Variants in BRSK2 observed in about 807,000 individuals in gnomAD.
BRSK2 encodes serine/threonine-protein kinase BRSK2.
Under a neutral mutation model 83.3 loss-of-function variants are expected in BRSK2, and 19 were observed. The ratio of observed to expected loss-of-function variants is 0.23; its 90% CI spans 0.16 to 0.33. The LOEUF is 0.33. Ranked by LOEUF, BRSK2 falls within the 10% of genes least tolerant of loss-of-function variation. The pLI is 1.00. For missense variants in BRSK2, 798 were observed against 1,042.3 expected (o/e 0.77, Z 3.23); for synonymous variants, 519 against 435.4 (o/e 1.19, Z -2.39).
At chr11:1,429,225 T>A (rs1035652353) in intron 1 of BRSK2, among the ~76,000 whole-genome samples, 1 of 147,986 alleles carries the variant, frequency 6.8e-6, no homozygotes, top group African/African-American at 2.5e-5. Context: ...TGTGTGGGCG[T>A]GTGCCCATGG....
intron 2 of BRSK2, among the ~76,000 whole-genome samples, chr11:1,437,243 C>T (rs1190537571): frequency 6.6e-6 from 1 of 152,174 alleles, no homozygotes; most frequent in Non-Finnish European, 1.5e-5. Context: ...CCTGCAGGCG[C>T]TGTGCACAGA....
chr11:1,398,598 C>T (rs530401780), intron 1 of BRSK2, among the ~76,000 whole-genome samples: 12 of 152,270 alleles, frequency 7.9e-5, no homozygotes, highest in Admixed American at 3.3e-4. Flanking sequence ...TAACTTTCTG[C>T]AGAGCGCAGG....
At chr11:1,420,033 A>G (rs975177522) in intron 1 of BRSK2, among the ~76,000 whole-genome samples, 4 of 152,232 alleles carry the variant, frequency 2.6e-5, no homozygotes, top group African/African-American at 9.6e-5. Context: ...TCTCCAAGGA[A>G]GCCTGGTTGA....
chr11:1,460,603 C>G lies in BRSK2; in HGVS notation c.2091C>G (p.Ala697=). ...QAPSTPAKRS[A]HGPLGDSAAA... Reference sequence around the variant, plus strand: ...CCAGCACGCCCGCCAAGCGGAGTGCCCACGGCCCACTCGGTGACTCCGCGG... The same window carrying G: ...CCAGCACGCCCGCCAAGCGGAGTGCGCACGGCCCACTCGGTGACTCCGCGG... The change falls in exon 20 of 20, where the codon GCC becomes GCG. Residue 697 remains alanine, a synonymous_variant. Transcript: ENST00000528841. The G allele has an allele frequency of 6.5e-7, 1 of 1,532,544 alleles. No individual in the cohort carries two copies. The highest frequency in any genetic ancestry group is 1.4e-5 in the African/African-American group (1 of 72,932). The allele number at this position is 1,532,544 out of a possible 1,614,324, so 94.9% of individuals were successfully genotyped here. A position where few individuals can be genotyped will look rare whatever the true frequency, so the allele number is the denominator to read the frequency against.
rs367983043 is a variant in BRSK2, at chr11:1,401,717, C to T, written c.91+11342C>T. On this transcript the variant is annotated intron_variant, in intron 1 of 19. Transcript: ENST00000528841. ...TGTGGGGACACAGCAGGGAGTTTGCCGACTTTGAGGAGGAGGAAAGGACCT... is the reference window on the plus strand; with the variant it reads ...TGTGGGGACACAGCAGGGAGTTTGCTGACTTTGAGGAGGAGGAAAGGACCT... 4.6e-5 allele frequency among the ~76,000 whole-genome samples: 7 copies of T among 152,316 alleles called. No homozygotes were observed. In the East Asian group the frequency reaches 9.7e-4, roughly 21 times the overall value.
At chr11:1,416,988 A>G (rs962175026) in intron 1 of BRSK2, among the ~76,000 whole-genome samples, 1 of 152,084 alleles carries the variant, frequency 6.6e-6, no homozygotes, top group Admixed American at 6.6e-5. Context: ...GTGAAACCCC[A>G]TCTCTACTAA....
intron 6 of BRSK2, 50 bp from the exon 7 acceptor site, chr11:1,443,285 C>G: frequency 6.4e-7 from 1 of 1,557,422 alleles, no homozygotes; most frequent in East Asian, 2.4e-5. Context: ...CCCTCCAAGG[C>G]CCCCGCCCTG....
At chr11:1,445,228 C>A in intron 9 of BRSK2, 66 bp from the exon 10 acceptor site, 1 of 1,541,120 alleles carries the variant, frequency 6.5e-7, no homozygotes, top group Non-Finnish European at 8.7e-7. Context: ...GGGCGGGCGT[C>A]CCACCCTCGC....
At chr11:1,436,251 C>CT in intron 2 of BRSK2, 117 bp downstream of exon 2, 3 of 680,768 alleles carry the variant, frequency 4.4e-6, no homozygotes, top group South Asian at 4.7e-5. Flanking sequence ...GGGGGGCGGG[C>CT]CCTGCAGGCT....
Position 1,460,753 on chromosome 11 carries a change from C to A in BRSK2, c.*30C>A. 1 of 1,393,398 alleles carries A rather than the reference C, an allele frequency of 7.2e-7. No individual in the cohort carries two copies. The highest frequency in any genetic ancestry group is 9.3e-7 in the Non-Finnish European group (1 of 1,070,642). The allele number at this position is 1,393,398 out of a possible 1,614,324, so 86.3% of individuals were successfully genotyped here. A position where few individuals can be genotyped will look rare whatever the true frequency, so the allele number is the denominator to read the frequency against. On this transcript the variant is annotated 3_prime_UTR_variant, in exon 20 of 20. Coordinates refer to ENST00000528841, the MANE Select transcript of BRSK2 (RefSeq NM_001256627.2). ...ACTAGCCCCCCCCCCCAGCACAGCA[C>A]TGACAGCGGCTGCCTCGCCGCCCGC...
chr11:1,443,197 C>A, intron 6 of BRSK2, 58 bp downstream of exon 6: 1 of 1,526,582 alleles, frequency 6.6e-7, no homozygotes. Flanking sequence ...GGACCTGACC[C>A]TGGTGGGACC....
At chr11:1,442,911 C>T (rs1851546530) in intron 5 of BRSK2, among the ~76,000 whole-genome samples, 195 bp from the exon 6 acceptor site, 2 of 152,160 alleles carry the variant, frequency 1.3e-5, no homozygotes, top group Admixed American at 1.3e-4. Context: ...GGGCAGACAG[C>T]TTTGGGCGCA....
In BRSK2 at chr11:1,457,061, G is replaced by A. The variant is rs780002659; in HGVS notation, c.1939+374G>A. ...TCTGACGCTGGCAGGTAAGGCGCCCGGCCTGTGCTGGGGCGGGGAGGGGCT... is the reference window on the plus strand; with the variant it reads ...TCTGACGCTGGCAGGTAAGGCGCCCAGCCTGTGCTGGGGCGGGGAGGGGCT... On this transcript the variant is annotated intron_variant, in intron 18 of 19. Coordinates refer to ENST00000528841, the MANE Select transcript of BRSK2 (RefSeq NM_001256627.2). 1.4e-5 allele frequency: 22 copies of A among 1,564,116 alleles called. No individual in the cohort carries two copies. In the South Asian group the frequency reaches 1.7e-4, roughly 12 times the overall value.
chr11:1,435,264 G>A (rs1168997842), intron 1 of BRSK2, among the ~76,000 whole-genome samples: 5 of 67,140 alleles, frequency 7.4e-5, no homozygotes, highest in South Asian at 7.1e-4. Flanking sequence ...GGGTCTCGGC[G>A]GAGGAGGGGT....
In BRSK2 at chr11:1,390,939, G is replaced by C. The variant is rs913755222; in HGVS notation, c.91+564G>C. The stretch of plus-strand genomic sequence containing the variant: ...CCTTGCGCTGCTCCGGCTCGGGCTC[G>C]GGCGGGCGGAGCGTCTGTGACCTGC... On this transcript the variant is annotated intron_variant, in intron 1 of 19. Coordinates refer to ENST00000528841, the MANE Select transcript of BRSK2 (RefSeq NM_001256627.2). The surrounding 1 kb of genome is among the most constrained non-coding windows in gnomAD (Gnocchi z 6.8). Among the ~76,000 whole-genome samples, 1 of 152,194 alleles carries C rather than the reference G, an allele frequency of 6.6e-6. No homozygotes were observed. Among genetic ancestry groups the C allele is most frequent in the African/African-American group, 2.4e-5 (1 of 41,458 alleles).
rs761467667 is a variant in BRSK2 at position 1,454,623 on chromosome 11, C to T, written c.1668+15C>T. ...CCTTCCTGTCGGTGAGGCCACAGGG[C>T]GCTGGGGGAGGCGGGCAGCCCTCCC... On this transcript the variant is annotated intron_variant, in intron 16 of 19. Coordinates refer to ENST00000528841, the MANE Select transcript of BRSK2 (RefSeq NM_001256627.2). The surrounding 1 kb of genome is among the most constrained non-coding windows in gnomAD (Gnocchi z 5.2). 1.6e-5 allele frequency: 25 copies of T among 1,611,914 alleles called. No homozygotes were observed. Among genetic ancestry groups the T allele is most frequent in the Middle Eastern group, 1.7e-4 (1 of 5,826 alleles).
intron 1 of BRSK2, among the ~76,000 whole-genome samples, chr11:1,424,267 G>A (rs7114029): frequency 0.83 from 126,257 of 152,172 alleles, 53,212 homozygotes; most frequent in African/African-American, 0.95. Context: ...GGCGGAGGGA[G>A]GTCTCTGCTG....
Position 1,462,117 on chromosome 11 carries a change from CAA to C in BRSK2, c.*1396_*1397del, listed in dbSNP as rs545686073. 34 of 152,296 alleles carry C rather than the reference CAA, an allele frequency of 2.2e-4. No homozygotes were observed. In the South Asian group the frequency reaches 4.1e-3, roughly 19 times the overall value. The allele number at this position is 152,296 out of a possible 1,614,324, so 9.4% of individuals were successfully genotyped here. ...AAATGAAAAAATTGAAAAAAAAGGA[CAA>C]AGAGTCGGTGGCGCTCCTCTGCAGG... On this transcript the variant is annotated 3_prime_UTR_variant, in exon 20 of 20. Coordinates refer to ENST00000528841, the MANE Select transcript of BRSK2 (RefSeq NM_001256627.2).
intron 3 of BRSK2, 128 bp from the exon 4 acceptor site, chr11:1,440,660 C>T (rs892643234): frequency 1.9e-5 from 24 of 1,278,074 alleles, no homozygotes; most frequent in South Asian, 1.8e-4. Flanking sequence ...AGCTGCCCCC[C>T]CAGCCAGCAA....
Sources: allele counts gnomAD v4.1 joint callset (sites outside exome capture counted in the v4.1 genomes callset), GRCh38; gene constraint gnomAD v4.1.1; non-coding constraint Gnocchi (gnomAD v3.1); transcripts MANE v1.5; gene names NCBI Gene and HGNC (gene_info 2026-07-23, HGNC 2026-07-21).